The following ODAD2 variants were observed in gnomAD, a reference collection of about 807,000 sequenced individuals.
The protein encoded by ODAD2 is outer dynein arm docking complex subunit 2, also known as outer dynein arm-docking complex subunit 2.
In ODAD2, 89 loss-of-function variants were observed where a neutral mutation model predicts 106.8. That is an observed-to-expected ratio of 0.83 (90% CI 0.70 to 0.99). The LOEUF is 0.99. Ranked by LOEUF, ODAD2 falls within the 50% of genes least tolerant of loss-of-function variation. The pLI is 0.00. For synonymous variants in ODAD2, 404 were observed against 436.2 expected, an observed-to-expected ratio of 0.93 and a Z score of 0.92; for missense variants, 1,168 against 1,238.5, an observed-to-expected ratio of 0.94 and a Z score of 0.85.
intron 16 of ODAD2, among the ~76,000 whole-genome samples, chr10:27,910,932 C>T (rs1843968170): frequency 6.6e-6 from 1 of 152,110 alleles, no homozygotes; most frequent in Non-Finnish European, 1.5e-5. Flanking sequence ...TTTTCATCAA[C>T]CAATCAATAT....
chr10:27,870,629 T>C, intron 17 of ODAD2, among the ~76,000 whole-genome samples: 1 of 152,172 alleles, frequency 6.6e-6, no homozygotes, highest in Non-Finnish European at 1.5e-5. Context: ...CTTGCGATAG[T>C]TTGCTGAGAA....
chr10:27,981,489 A>T lies in ODAD2; in HGVS notation c.913T>A (p.Phe305Ile). Residue 305 changes from phenylalanine (F) to isoleucine (I), a missense_variant, in exon 7 of 20, where the codon TTT becomes ATT. Transcript: ENST00000305242. ...VTFLREKSPK[F>I]SENMSKLGIS... ...ACCAATTTAGACATATTTTCTGAAA[A>T]TTTTGGTGATTTTTCTCTTAAAAAT... is the stretch of plus-strand genomic sequence containing the variant. 1.3e-6 allele frequency: 2 copies of T among 1,518,154 alleles called. No homozygotes were observed. The highest frequency in any genetic ancestry group is 1.7e-6 in the Non-Finnish European group (2 of 1,144,864). 94.0% of individuals were successfully genotyped at this position (1,518,154 alleles called of 1,614,324 possible).
intron 16 of ODAD2, among the ~76,000 whole-genome samples, chr10:27,929,213 C>T (rs573413375): frequency 9.9e-5 from 15 of 151,966 alleles, no homozygotes; most frequent in Non-Finnish European, 2.1e-4. Flanking sequence ...TTCTGGATAT[C>T]TCTGTATGTC....
At chr10:27,898,957 G>C (rs1843016758) in intron 17 of ODAD2, among the ~76,000 whole-genome samples, 1 of 152,006 alleles carries the variant, frequency 6.6e-6, no homozygotes, top group African/African-American at 2.4e-5. Context: ...ATGACATTTA[G>C]AGTCAAGTTA....
intron 17 of ODAD2, among the ~76,000 whole-genome samples, chr10:27,884,160 A>C (rs1229146394): frequency 6.6e-6 from 1 of 152,144 alleles, no homozygotes; most frequent in African/African-American, 2.4e-5. Context: ...AAGAATCTTG[A>C]AAGTTGCAAG....
At chr10:27,953,613 T>C (rs1170251459) in intron 10 of ODAD2, among the ~76,000 whole-genome samples, 1 of 152,110 alleles carries the variant, frequency 6.6e-6, no homozygotes, top group Non-Finnish European at 1.5e-5. Flanking sequence ...TATGTAGTCA[T>C]TAAAAGGAGT....
At chr10:27,849,509 T>A (rs7475103) in intron 19 of ODAD2, among the ~76,000 whole-genome samples, 8 of 151,670 alleles carry the variant, frequency 5.3e-5, no homozygotes, top group Non-Finnish European at 1.2e-4. Context: ...AGGTAAAAAA[T>A]CTGCACATTG....
At chr10:27,886,287 T>A (rs1166386112) in intron 17 of ODAD2, among the ~76,000 whole-genome samples, 4 of 150,826 alleles carry the variant, frequency 2.7e-5, no homozygotes, top group Non-Finnish European at 1.5e-5. Flanking sequence ...AAGCAACATG[T>A]CATGTACAAG....
At chr10:27,886,725 T>A (rs1842245217) in intron 17 of ODAD2, among the ~76,000 whole-genome samples, 1 of 152,056 alleles carries the variant, frequency 6.6e-6, no homozygotes, top group African/African-American at 2.4e-5. Context: ...AAAGATGTTA[T>A]TTGTGGCATT....
At chr10:27,868,722 C>T (rs963799891) in intron 17 of ODAD2, among the ~76,000 whole-genome samples, 47 of 151,952 alleles carry the variant, frequency 3.1e-4, no homozygotes, top group African/African-American at 1.0e-3. Flanking sequence ...ATAACTAAGG[C>T]ATGCAGGGCT....
At chr10:27,821,021 C>T (rs529323457) in intron 19 of ODAD2, among the ~76,000 whole-genome samples, 83 of 152,154 alleles carry the variant, frequency 5.5e-4, no homozygotes, top group Non-Finnish European at 9.8e-4. Context: ...CTTAAGTGAT[C>T]TGCCCACCTC....
At chr10:27,965,361 G>C (rs1848424584) in intron 9 of ODAD2, among the ~76,000 whole-genome samples, 2 of 152,174 alleles carry the variant, frequency 1.3e-5, no homozygotes, top group Non-Finnish European at 2.9e-5. Flanking sequence ...TCACTGAAAA[G>C]TTTCAATAAC....
At chr10:27,933,995 G>C (rs1325249731) in intron 16 of ODAD2, among the ~76,000 whole-genome samples, 1 of 152,116 alleles carries the variant, frequency 6.6e-6, no homozygotes, top group African/African-American at 2.4e-5. Context: ...GACCCGGTGG[G>C]AGTTAATTGA....
intron 2 of ODAD2, among the ~76,000 whole-genome samples, chr10:27,990,189 C>T (rs998877337): frequency 3.5e-4 from 53 of 152,076 alleles, no homozygotes; most frequent in African/African-American, 1.2e-3. Flanking sequence ...GCTCTGTCAC[C>T]CAGGCTGGAG....
intron 19 of ODAD2, among the ~76,000 whole-genome samples, chr10:27,819,574 T>TAAAAAAAAAAAA (rs56031733): frequency 8.1e-5 from 6 of 73,982 alleles, no homozygotes; most frequent in African/African-American, 3.1e-4. Context: ...CCCTGTCTCT[T>TAAAAAAAAAAAA]AAAAAAAAAA....
At chr10:27,830,735 C>A (rs1367573425) in intron 19 of ODAD2, among the ~76,000 whole-genome samples, 1 of 152,082 alleles carries the variant, frequency 6.6e-6, no homozygotes, top group African/African-American at 2.4e-5. Context: ...TTTTCCAGGA[C>A]CAACCCAGAG....
At chr10:27,880,946 A>T (rs894670304) in intron 17 of ODAD2, among the ~76,000 whole-genome samples, 2 of 152,180 alleles carry the variant, frequency 1.3e-5, no homozygotes, top group Non-Finnish European at 2.9e-5. Context: ...CGTGAACCCA[A>T]TGTTTGGAAA....
intron 16 of ODAD2, among the ~76,000 whole-genome samples, chr10:27,927,423 C>A (rs1309951200): frequency 6.6e-6 from 1 of 152,106 alleles, no homozygotes; most frequent in East Asian, 1.9e-4. Context: ...CCATGTAAGA[C>A]TTAAAGCTCA....
At chr10:27,852,687 A>C (rs1839350824) in intron 19 of ODAD2, among the ~76,000 whole-genome samples, 1 of 152,108 alleles carries the variant, frequency 6.6e-6, no homozygotes, top group South Asian at 2.1e-4. Context: ...GTGGCCGGGC[A>C]CAGTGGCTCA....
Sources: allele counts gnomAD v4.1 joint callset (sites outside exome capture counted in the v4.1 genomes callset), GRCh38; gene constraint gnomAD v4.1.1; transcripts MANE v1.5; gene names NCBI Gene and HGNC (gene_info 2026-07-23, HGNC 2026-07-21).